The following FAM24B variants were observed in gnomAD, a reference collection of about 807,000 sequenced individuals.
FAM24B encodes the protein protein FAM24B.
FAM24B carries 3 observed loss-of-function variants against 2.3 expected under a neutral mutation model. The ratio of observed to expected loss-of-function variants is 1.29; its 90% confidence interval spans 0.59 to 3.32. The LOEUF is 3.32. Ranked by LOEUF, FAM24B falls within the 30% of genes most tolerant of loss-of-function variation. The pLI, the probability that FAM24B is intolerant of heterozygous loss-of-function variation, is 0.03. For missense variants in FAM24B, 98 were observed against 117.2 expected, an observed-to-expected ratio of 0.84 and a Z score of 0.76; for synonymous variants, 36 against 46.3, an observed-to-expected ratio of 0.78 and a Z score of 0.90.
chr10:122,879,392 G>A (rs1311731746), intron 1 of FAM24B, 93 bp downstream of exon 1: 44 of 152,318 alleles, frequency 2.9e-4, no homozygotes, highest in Admixed American at 2.9e-3. Context: ...ACCCGACGGA[G>A]TGGAGGCAGA....
At chr10:122,876,431 C>T (rs1847978177) in intron 1 of FAM24B, among the ~76,000 whole-genome samples, 1 of 152,216 alleles carries the variant, frequency 6.6e-6, no homozygotes, top group African/African-American at 2.4e-5. Flanking sequence ...TTTGCCCCCT[C>T]CTTCTGCACA....
At chr10:122,873,885 T>C (rs1008928352) in intron 1 of FAM24B, among the ~76,000 whole-genome samples, 3 of 152,268 alleles carry the variant, frequency 2.0e-5, no homozygotes, top group Non-Finnish European at 4.4e-5. Context: ...AGTGTTATTT[T>C]AGAAATATGT....
At chr10:122,856,341 T>A (rs564923838) in intron 1 of FAM24B, among the ~76,000 whole-genome samples, 1 of 152,070 alleles carries the variant, frequency 6.6e-6, no homozygotes, top group South Asian at 2.1e-4. Flanking sequence ...ATATCATCTA[T>A]GAGGAGCTAA....
At position 122,855,683 on chromosome 10, in the gene FAM24B, G is replaced by GAAACATTTC. The variant is rs1324218012; in HGVS notation, c.-83_-75dup. ...GGCTCCTCTGCTCCAGGAAGGGCAA[G>GAAACATTTC]AAACATTTCAAAAAGAGCTCCAATC... On this transcript the variant is annotated 5_prime_UTR_variant, in exon 2 of 4. It adds an upstream start codon to the 5' untranslated region. Transcript: ENST00000368898. 6.6e-6 allele frequency: 1 copy of GAAACATTTC among 152,182 alleles called. No individual in the cohort carries two copies. The highest frequency in any genetic ancestry group is 1.5e-5 in the Non-Finnish European group (1 of 68,054). 9.4% of individuals were successfully genotyped at this position (152,182 alleles called of 1,614,324 possible). A position where few individuals can be genotyped will look rare whatever the true frequency, so the allele number is the denominator to read the frequency against.
intron 1 of FAM24B, among the ~76,000 whole-genome samples, chr10:122,874,701 T>C (rs947659808): frequency 4.2e-4 from 64 of 152,200 alleles, no homozygotes; most frequent in Non-Finnish European, 2.5e-4. Flanking sequence ...GAATATAATA[T>C]GCCTAGGTAC....
At chr10:122,865,773 T>G (rs1040769866) in intron 1 of FAM24B, among the ~76,000 whole-genome samples, 1 of 152,118 alleles carries the variant, frequency 6.6e-6, no homozygotes, top group African/African-American at 2.4e-5. Flanking sequence ...GAAGAGTAAT[T>G]ATTAATTTTT....
At chr10:122,855,353 C>T (rs1847620489) in intron 2 of FAM24B, 1 of 152,164 alleles carries the variant, frequency 6.6e-6, no homozygotes, top group African/African-American at 2.4e-5. Flanking sequence ...ACTGTAAAAT[C>T]AGTTTTAAAA....
chr10:122,858,605 C>T (rs1251679149), intron 1 of FAM24B, among the ~76,000 whole-genome samples: 3 of 152,112 alleles, frequency 2.0e-5, no homozygotes, highest in Non-Finnish European at 2.9e-5. Flanking sequence ...CCCATACACA[C>T]CTGTGCCCAC....
At chr10:122,876,347 C>T (rs766983318) in intron 1 of FAM24B, among the ~76,000 whole-genome samples, 21 of 152,218 alleles carry the variant, frequency 1.4e-4, no homozygotes, top group Non-Finnish European at 2.9e-4. Context: ...ACAGATAAGG[C>T]TCTGGTAAAG....
chr10:122,850,946 C>A (rs1847524892), intron 2 of FAM24B, among the ~76,000 whole-genome samples: 1 of 152,104 alleles, frequency 6.6e-6, no homozygotes, highest in African/African-American at 2.4e-5. Flanking sequence ...TCAGAAATGA[C>A]CCCCCACTGG....
intron 3 of FAM24B, 148 bp downstream of exon 3, chr10:122,850,276 C>T (rs1847505848): frequency 3.0e-6 from 2 of 672,772 alleles, no homozygotes; most frequent in Admixed American, 2.4e-5. Flanking sequence ...GCTGCCTGTT[C>T]TTCTTGACTT....
upstream of FAM24B, chr10:122,879,596 C>T (rs1848046822): frequency 6.5e-6 from 1 of 152,810 alleles, no homozygotes; most frequent in Non-Finnish European, 1.5e-5. Flanking sequence ...CGCGCCTGCG[C>T]ATGGTCTCCA....
chr10:122,849,169 C>A lies in FAM24B; in HGVS notation c.*78G>T. Reference sequence around the variant, plus strand: ...AATTATATAATCTCACATAAAAACACTAGAACTTGATTTGAATAACAAAAC... The same window carrying A: ...AATTATATAATCTCACATAAAAACAATAGAACTTGATTTGAATAACAAAAC... On this transcript the variant is annotated 3_prime_UTR_variant, in exon 4 of 4. Transcript: ENST00000368898. The A allele has an allele frequency of 9.1e-7, 1 of 1,104,674 alleles. No homozygotes were observed. The highest frequency in any genetic ancestry group is 2.2e-5 in the South Asian group (1 of 45,586). 68.4% of individuals were successfully genotyped at this position (1,104,674 alleles called of 1,614,324 possible). A position where few individuals can be genotyped will look rare whatever the true frequency, so the allele number is the denominator to read the frequency against.
At chr10:122,872,614 T>TAG (rs1447625879) in intron 1 of FAM24B, among the ~76,000 whole-genome samples, 14 of 152,136 alleles carry the variant, frequency 9.2e-5, no homozygotes, top group African/African-American at 3.4e-4. Flanking sequence ...CCATAAAAAA[T>TAG]GATGAGTTCA....
At chr10:122,875,689 T>C (rs1325515468) in intron 1 of FAM24B, among the ~76,000 whole-genome samples, 1 of 151,868 alleles carries the variant, frequency 6.6e-6, no homozygotes, top group Non-Finnish European at 1.5e-5. Context: ...TCCTTTTAAA[T>C]AAAATGTAGT....
rs1337595316 is a variant in FAM24B, at chr10:122,861,853, T to G, written c.-177-6067A>C. Among the ~76,000 whole-genome samples the G allele has an allele frequency of 5.3e-5, 8 of 152,354 alleles. No individual in the cohort carries two copies. The East Asian group carries it at 1.5e-3, about 29-fold the overall frequency. On this transcript the variant is annotated intron_variant, in intron 1 of 3. Coordinates refer to ENST00000368898, the MANE Select transcript of FAM24B (RefSeq NM_152644.3). ...AACTAGTCAGCCATATCATTTTTCC[T>G]GCTCTAACAGTACCCACTGACCTTA... is the stretch of plus-strand genomic sequence containing the variant.
intron 1 of FAM24B, among the ~76,000 whole-genome samples, chr10:122,867,678 C>T (rs937910105): frequency 2.6e-5 from 4 of 152,188 alleles, no homozygotes; most frequent in Admixed American, 2.0e-4. Context: ...CCCAGGCAAA[C>T]AGGGTCTGGA....
chr10:122,858,870 G>A (rs893544551), intron 1 of FAM24B, among the ~76,000 whole-genome samples: 3 of 152,224 alleles, frequency 2.0e-5, no homozygotes, highest in Admixed American at 1.3e-4. Context: ...CTCCCTGGCA[G>A]TTATGCAACA....
chr10:122,868,963 G>C (rs969250097), intron 1 of FAM24B, among the ~76,000 whole-genome samples: 1 of 152,114 alleles, frequency 6.6e-6, no homozygotes, highest in Non-Finnish European at 1.5e-5. Context: ...TGGGCTAAAT[G>C]CTCCAATTAA....
Sources: allele counts gnomAD v4.1 joint callset (sites outside exome capture counted in the v4.1 genomes callset), GRCh38; gene constraint gnomAD v4.1.1; transcripts MANE v1.5; gene names NCBI Gene and HGNC (gene_info 2026-07-23, HGNC 2026-07-21).